The following ZNF723 variants were observed in gnomAD, a reference collection of about 807,000 sequenced individuals.
ZNF723 encodes the protein zinc finger protein 723.
ZNF723 carries 5 observed loss-of-function variants against 9.4 expected under a neutral mutation model. The ratio of observed to expected loss-of-function variants is 0.53; its 90% CI spans 0.28 to 1.12. The LOEUF is 1.12. Among genes scored for constraint, ZNF723 ranks in the 50% most tolerant of loss-of-function variants. The pLI is 0.10. For missense variants in ZNF723, 450 were observed against 501.5 expected (o/e 0.90, Z 0.98); for synonymous variants, 158 against 168.8 (o/e 0.94, Z 0.49).
chr19:22,842,006 T>C (rs1967252422), intron 1 of ZNF723, among the ~76,000 whole-genome samples: 1 of 151,890 alleles, frequency 6.6e-6, no homozygotes, highest in Admixed American at 6.6e-5. Flanking sequence ...CTATGTTTTG[T>C]TGTTGTTGTT....
intron 1 of ZNF723, among the ~76,000 whole-genome samples, chr19:22,844,975 C>T (rs1427861648): frequency 4.6e-5 from 7 of 152,042 alleles, no homozygotes; most frequent in Non-Finnish European, 8.8e-5. Context: ...AAAAATTAGC[C>T]GGGCATGGTG....
intron 1 of ZNF723, among the ~76,000 whole-genome samples, chr19:22,835,505 C>G (rs1462249211): frequency 6.6e-6 from 1 of 152,026 alleles, no homozygotes. Context: ...GTTAAGAGTT[C>G]GCATTTACCG....
the ZNF723 span, among the ~76,000 whole-genome samples, chr19:22,814,469 G>A: frequency 6.6e-6 from 1 of 152,154 alleles, no homozygotes; most frequent in Non-Finnish European, 1.5e-5. Context: ...TTACATATGT[G>A]GTTCTGGTCC....
the ZNF723 span, among the ~76,000 whole-genome samples, chr19:22,817,341 A>G: frequency 6.6e-6 from 1 of 152,172 alleles, no homozygotes; most frequent in Non-Finnish European, 1.5e-5. Context: ...ACCAAACACC[A>G]AAGAGATAAG....
At chr19:22,839,611 T>C (rs1160840770) in intron 1 of ZNF723, among the ~76,000 whole-genome samples, 1 of 151,920 alleles carries the variant, frequency 6.6e-6, no homozygotes, top group Admixed American at 6.6e-5. Flanking sequence ...ACAGCTGGGA[T>C]TACAGGCATT....
At chr19:22,834,369 T>C (rs1350307730) in intron 1 of ZNF723, among the ~76,000 whole-genome samples, 2 of 152,196 alleles carry the variant, frequency 1.3e-5, no homozygotes, top group African/African-American at 2.4e-5. Flanking sequence ...TAAATAAATC[T>C]TTGTGTGTCT....
At chr19:22,822,335 G>A in the ZNF723 span, among the ~76,000 whole-genome samples, 1 of 152,172 alleles carries the variant, frequency 6.6e-6, no homozygotes, top group Non-Finnish European at 1.5e-5. Context: ...CTGGGAACAG[G>A]TTGAATAGTG....
chr19:22,827,425 AT>A (rs36145762), upstream of ZNF723, among the ~76,000 whole-genome samples: 6,107 of 131,370 alleles, frequency 0.046, 145 homozygotes, highest in African/African-American at 0.064. Flanking sequence ...GGTTTCAACT[AT>A]TTTTTTTTTT....
rs560938938 is a variant in ZNF723, at chr19:22,842,041, G to A, written c.4-6220G>A. 3.4e-4 allele frequency among the ~76,000 whole-genome samples: 52 copies of A among 152,242 alleles called. No homozygotes were observed. In the South Asian group the frequency reaches 9.7e-3, roughly 29 times the overall value. ...TGTTGTTTTGAGACAGTCTTGGTCT[G>A]TCCCCAAGGCCAGAGTGCAGTGACG... On this transcript the variant is annotated intron_variant, in intron 1 of 3. Transcript: ENST00000600766.
chr19:22,828,894 C>T (rs1967064643), upstream of ZNF723, among the ~76,000 whole-genome samples: 1 of 152,054 alleles, frequency 6.6e-6, no homozygotes, highest in South Asian at 2.1e-4. Context: ...AATAATAGGC[C>T]AGACACGGTG....
intron 1 of ZNF723, among the ~76,000 whole-genome samples, chr19:22,833,926 C>CT (rs34792208): frequency 0.14 from 12,809 of 89,234 alleles, 1,369 homozygotes; most frequent in East Asian, 0.21. Flanking sequence ...TTTTAGCGTA[C>CT]TTTTTTTTTT....
At chr19:22,848,591 T>G (rs1967347327) in intron 2 of ZNF723, among the ~76,000 whole-genome samples, 1 of 152,156 alleles carries the variant, frequency 6.6e-6, no homozygotes, top group South Asian at 2.1e-4. Context: ...ACTTTCCACA[T>G]TCCTGAGCAG....
intron 1 of ZNF723, among the ~76,000 whole-genome samples, chr19:22,845,205 A>G (rs1338236679): frequency 2.0e-5 from 3 of 152,242 alleles, no homozygotes; most frequent in Non-Finnish European, 4.4e-5. Context: ...TGAGTGGTTT[A>G]TAAGCTCGTT....
upstream of ZNF723, chr19:22,832,276 G>A (rs1361148934): frequency 1.7e-6 from 2 of 1,181,308 alleles, no homozygotes; most frequent in African/African-American, 1.5e-5. Flanking sequence ...GGCGGCTTCC[G>A]GGATTTGGCG....
At chr19:22,826,011 A>T in the ZNF723 span, among the ~76,000 whole-genome samples, 1 of 152,058 alleles carries the variant, frequency 6.6e-6, no homozygotes, top group Admixed American at 6.5e-5. Flanking sequence ...ACATTTTGAC[A>T]TATCTTTGGG....
intron 1 of ZNF723, among the ~76,000 whole-genome samples, chr19:22,844,947 C>T (rs1568405627): frequency 6.6e-6 from 1 of 152,106 alleles, no homozygotes; most frequent in Non-Finnish European, 1.5e-5. Flanking sequence ...GAAACCCCAT[C>T]TCTACTAAAA....
At chr19:22,825,636 G>A in the ZNF723 span, among the ~76,000 whole-genome samples, 1 of 152,174 alleles carries the variant, frequency 6.6e-6, no homozygotes, top group Non-Finnish European at 1.5e-5. Context: ...TGGGAGCATT[G>A]TGGCATATCA....
the ZNF723 span, among the ~76,000 whole-genome samples, chr19:22,814,937 A>G: frequency 6.6e-6 from 1 of 152,014 alleles, no homozygotes; most frequent in Non-Finnish European, 1.5e-5. Flanking sequence ...ACAGATTGTG[A>G]TATGTCACTG....
At chr19:22,829,490 G>A (rs1967071020), upstream of ZNF723, among the ~76,000 whole-genome samples, 1 of 152,026 alleles carries the variant, frequency 6.6e-6, no homozygotes, top group Non-Finnish European at 1.5e-5. Context: ...TTACCATGTT[G>A]GCCAGGCTGG....
Sources: gnomAD v4.1 joint callset for allele counts (sites outside exome capture counted in the v4.1 genomes callset) on GRCh38, gnomAD v4.1.1 for gene constraint, MANE v1.5 for transcripts, NCBI Gene and HGNC (gene_info 2026-07-23, HGNC 2026-07-21) for gene names.